The following CTNNBIP1 variants were observed in gnomAD, a reference collection of about 807,000 sequenced individuals.
CTNNBIP1 encodes beta-catenin-interacting protein 1.
A neutral mutation model predicts 11.8 loss-of-function variants in CTNNBIP1; 7 were observed. The ratio of observed to expected loss-of-function variants is 0.60; its 90% confidence interval spans 0.34 to 1.12. The LOEUF (loss-of-function observed/expected upper bound fraction) is 1.12. CTNNBIP1 is among the 50% of genes most tolerant of loss of function. The pLI is 0.03. For missense variants in CTNNBIP1, 101 were observed against 113.4 expected (o/e 0.89, Z 0.50); for synonymous variants, 58 against 43.9 (o/e 1.32, Z -1.26).
At chr1:9,864,266 G>A (rs1638694472) in intron 5 of CTNNBIP1, among the ~76,000 whole-genome samples, 2 of 152,248 alleles carry the variant, frequency 1.3e-5, no homozygotes, top group Admixed American at 6.5e-5. Context: ...AAAACAAGGA[G>A]CTTCCTTGAC....
At chr1:9,882,363 G>A (rs1639100041) in intron 2 of CTNNBIP1, among the ~76,000 whole-genome samples, 3 of 152,220 alleles carry the variant, frequency 2.0e-5, no homozygotes, top group Non-Finnish European at 4.4e-5. Context: ...CACCAGTCAA[G>A]TCACCCAGAT....
chr1:9,850,911 C>T (rs892083183), intron 5 of CTNNBIP1, 135 bp from the exon 6 acceptor site: 3 of 809,602 alleles, frequency 3.7e-6, no homozygotes, highest in Non-Finnish European at 6.5e-6. Flanking sequence ...AAAGTACTTC[C>T]GAGGAAGTCT....
At chr1:9,868,221 C>T (rs961438253) in intron 5 of CTNNBIP1, among the ~76,000 whole-genome samples, 12 of 152,178 alleles carry the variant, frequency 7.9e-5, no homozygotes, top group Non-Finnish European at 1.6e-4. Flanking sequence ...TGACTCCCAC[C>T]ACCTATTCCG....
intron 3 of CTNNBIP1, among the ~76,000 whole-genome samples, chr1:9,877,502 C>T (rs1638993686): frequency 6.6e-6 from 1 of 152,218 alleles, no homozygotes; most frequent in Non-Finnish European, 1.5e-5. Flanking sequence ...CTCCTTCAGA[C>T]ACATGAGCTG....
intron 2 of CTNNBIP1, among the ~76,000 whole-genome samples, chr1:9,878,467 G>C (rs368261099): frequency 1.3e-5 from 2 of 152,212 alleles, no homozygotes; most frequent in East Asian, 1.9e-4. Context: ...ATGTATATGT[G>C]TCTGTGTGCT....
intron 1 of CTNNBIP1, among the ~76,000 whole-genome samples, chr1:9,902,530 CTAAT>C (rs975142235): frequency 1.3e-5 from 2 of 152,098 alleles, no homozygotes; most frequent in African/African-American, 4.8e-5. Context: ...CGGAAGGGCT[CTAAT>C]TGTTTCACTC....
In CTNNBIP1 at chr1:9,871,244, A is replaced by C. The variant is rs1410552050; in HGVS notation, c.130T>G (p.Tyr44Asp). ...TASEEEFLRT[Y>D]AGVVNSQLSQ... ...AGCTGGCTGTTGACCACCCCTGCAT[A>C]GGTGCGCAGGAACTCCTCCTCGCTG... The change falls in exon 5 of 6, where the codon TAT becomes GAT. Residue 44 changes from tyrosine to aspartate, a missense_variant. Physicochemically the swap from Tyr to Asp is radical, Grantham distance 160 (BLOSUM62 -3). Transcript: ENST00000377263. The surrounding 1 kb of genome is among the most constrained non-coding windows in gnomAD (Gnocchi z 5.2). The C allele has an allele frequency of 6.3e-7, 1 of 1,580,180 alleles. No individual in the cohort carries two copies. The highest frequency in any genetic ancestry group is 2.3e-5 in the East Asian group (1 of 43,722).
At chr1:9,860,626 A>G (rs2101451417) in intron 5 of CTNNBIP1, among the ~76,000 whole-genome samples, 1 of 150,756 alleles carries the variant, frequency 6.6e-6, no homozygotes, top group Non-Finnish European at 1.5e-5. Flanking sequence ...CTCAAAAAAA[A>G]AAAAAAAAAG....
At chr1:9,862,580 A>C (rs1392604589) in intron 5 of CTNNBIP1, among the ~76,000 whole-genome samples, 1 of 152,236 alleles carries the variant, frequency 6.6e-6, no homozygotes, top group East Asian at 1.9e-4. Flanking sequence ...TCAGTGCTAC[A>C]GACTGTCCCC....
At chr1:9,891,632 CCAAT>C (rs1167039980) in intron 1 of CTNNBIP1, among the ~76,000 whole-genome samples, 2 of 152,102 alleles carry the variant, frequency 1.3e-5, no homozygotes, top group African/African-American at 4.8e-5. Context: ...GAAACGCTTC[CCAAT>C]CAAACTCTTC....
Position 9,850,565 on chromosome 1 carries a change from A to T in CTNNBIP1, c.*153T>A. 1.5e-6 allele frequency: 1 copy of T among 672,274 alleles called. No homozygotes were observed. The highest frequency in any genetic ancestry group is 2.7e-6 in the Non-Finnish European group (1 of 366,978). The allele number at this position is 672,274 out of a possible 1,614,324, so 41.6% of individuals were successfully genotyped here. On this transcript the variant is annotated 3_prime_UTR_variant, in exon 6 of 6. Coordinates refer to ENST00000377263, the MANE Select transcript of CTNNBIP1 (RefSeq NM_020248.3). ...TGGTGTCTCCCTTGATGCCAGCCCC[A>T]CTGAGTAGCTGTGAGGTGGGGTGGG...
At chr1:9,887,978 C>G (rs955015480) in intron 1 of CTNNBIP1, among the ~76,000 whole-genome samples, 3 of 151,794 alleles carry the variant, frequency 2.0e-5, no homozygotes, top group Non-Finnish European at 4.4e-5. Context: ...CACCCACCAC[C>G]ACACCCAGCT....
intron 1 of CTNNBIP1, among the ~76,000 whole-genome samples, chr1:9,900,694 A>G (rs1639505290): frequency 1.3e-5 from 2 of 152,302 alleles, no homozygotes; most frequent in Non-Finnish European, 2.9e-5. Flanking sequence ...TCCCACCACA[A>G]ACTCTGGAAG....
chr1:9,887,772 C>A (rs1639215330), intron 1 of CTNNBIP1, among the ~76,000 whole-genome samples: 1 of 152,002 alleles, frequency 6.6e-6, no homozygotes. Flanking sequence ...CAACCCACTG[C>A]CAATCAGAGA....
chr1:9,897,703 A>G (rs1639439585), intron 1 of CTNNBIP1, among the ~76,000 whole-genome samples: 1 of 151,788 alleles, frequency 6.6e-6, no homozygotes, highest in South Asian at 2.1e-4. Context: ...AATCCCAGTG[A>G]CTCAGGTGGC....
intron 1 of CTNNBIP1, among the ~76,000 whole-genome samples, chr1:9,884,171 G>C (rs924799656): frequency 6.6e-6 from 1 of 152,124 alleles, no homozygotes; most frequent in African/African-American, 2.4e-5. Flanking sequence ...TGGGGGCGAC[G>C]GGACTGGGCC....
intron 1 of CTNNBIP1, among the ~76,000 whole-genome samples, chr1:9,907,142 A>C (rs964978181): frequency 6.6e-6 from 1 of 152,016 alleles, no homozygotes; most frequent in African/African-American, 2.4e-5. Flanking sequence ...CAGCATGGAG[A>C]TAAGTTTTAT....
At chr1:9,874,983 A>AG (rs1638934787) in intron 3 of CTNNBIP1, among the ~76,000 whole-genome samples, 1 of 152,192 alleles carries the variant, frequency 6.6e-6, no homozygotes, top group Admixed American at 6.5e-5. Flanking sequence ...CCTGTGCCTA[A>AG]GGGCTAGTTT....
chr1:9,864,380 G>C (rs867849885), intron 5 of CTNNBIP1, among the ~76,000 whole-genome samples: 6 of 152,252 alleles, frequency 3.9e-5, no homozygotes, highest in African/African-American at 1.4e-4. Context: ...CCAGGCTGGA[G>C]TGCAGTGGCG....
Sources: gnomAD v4.1 joint callset for allele counts (sites outside exome capture counted in the v4.1 genomes callset) on GRCh38, gnomAD v4.1.1 for gene constraint, Gnocchi (gnomAD v3.1) non-coding constraint, MANE v1.5 for transcripts, NCBI Gene and HGNC (gene_info 2026-07-23, HGNC 2026-07-21) for gene names.